CNTNAP2: variants seen among roughly 807,000 people sequenced by gnomAD.
CNTNAP2 encodes the protein contactin-associated protein-like 2.
In CNTNAP2, 98 loss-of-function variants were observed where a neutral mutation model predicts 155.2. The ratio of observed to expected loss-of-function variants is 0.63; its 90% CI spans 0.54 to 0.75. The LOEUF is 0.75. Ranked by LOEUF, CNTNAP2 falls within the 30% of genes least tolerant of loss-of-function variation. The probability of loss-of-function intolerance (pLI) is 0.00; values close to 1 mark genes in which losing one functional copy is unlikely to be tolerated. For missense variants in CNTNAP2, 1,727 were observed against 1,688.1 expected, an observed-to-expected ratio of 1.02 and a Z score of -0.40; for synonymous variants, 651 against 631.2, an observed-to-expected ratio of 1.03 and a Z score of -0.47.
chr7:147,023,446 C>T (rs912616249), intron 3 of CNTNAP2, among the ~76,000 whole-genome samples: 1 of 152,122 alleles, frequency 6.6e-6, no homozygotes, highest in Non-Finnish European at 1.5e-5. Context: ...TCCTTTTTAT[C>T]CAGTCTCCTC....
intron 8 of CNTNAP2, among the ~76,000 whole-genome samples, chr7:147,185,709 A>G (rs1350751533): frequency 6.6e-6 from 1 of 152,156 alleles, no homozygotes; most frequent in Non-Finnish European, 1.5e-5. Context: ...ACAAAACACT[A>G]TGCAATGATG....
At chr7:147,579,291 G>A (rs140048860) in intron 12 of CNTNAP2, among the ~76,000 whole-genome samples, 480 of 152,172 alleles carry the variant, frequency 3.2e-3, no homozygotes, top group African/African-American at 0.011. Flanking sequence ...GAATTTTAAT[G>A]TGTTTAAATA....
intron 1 of CNTNAP2, among the ~76,000 whole-genome samples, chr7:146,662,380 G>A (rs570179399): frequency 6.8e-4 from 103 of 152,156 alleles, no homozygotes; most frequent in African/African-American, 2.4e-3. Context: ...CAGTTGATCC[G>A]CCCACCTCGG....
intron 1 of CNTNAP2, among the ~76,000 whole-genome samples, chr7:146,152,545 G>A (rs910599607): frequency 2.6e-5 from 4 of 152,052 alleles, no homozygotes; most frequent in Non-Finnish European, 4.4e-5. Context: ...GAATAATTAT[G>A]TGAAGTTATC....
At chr7:146,343,178 A>C (rs574594584) in intron 1 of CNTNAP2, among the ~76,000 whole-genome samples, 67 of 152,270 alleles carry the variant, frequency 4.4e-4, no homozygotes, top group Admixed American at 1.4e-3. Context: ...TTATTGCTGA[A>C]AGATGAACAA....
intron 14 of CNTNAP2, among the ~76,000 whole-genome samples, chr7:147,930,650 A>C (rs528104025): frequency 6.6e-6 from 1 of 152,236 alleles, no homozygotes; most frequent in Admixed American, 6.5e-5. Context: ...AATAGCAGAT[A>C]GACATTCAGA....
At chr7:148,301,306 A>AAAAAAAATATATAT in intron 21 of CNTNAP2, among the ~76,000 whole-genome samples, 7 of 103,870 alleles carry the variant, frequency 6.7e-5, no homozygotes, top group African/African-American at 2.6e-4. Context: ...AAAAAAAAAA[A>AAAAAAAATATATAT]ATATATATAT....
At chr7:146,479,607 T>G (rs1486222724) in intron 1 of CNTNAP2, among the ~76,000 whole-genome samples, 1 of 152,014 alleles carries the variant, frequency 6.6e-6, no homozygotes, top group Admixed American at 6.6e-5. Flanking sequence ...AACAATTAAT[T>G]TATAAAAAAT....
chr7:146,835,287 CCAAT>C (rs954253597), intron 2 of CNTNAP2, among the ~76,000 whole-genome samples: 2 of 152,136 alleles, frequency 1.3e-5, no homozygotes, highest in African/African-American at 4.8e-5. Flanking sequence ...CTAAGTTTCA[CCAAT>C]CAATCAGACA....
At chr7:147,984,406 A>T (rs748469776) in intron 15 of CNTNAP2, among the ~76,000 whole-genome samples, 2 of 152,210 alleles carry the variant, frequency 1.3e-5, no homozygotes, top group Non-Finnish European at 2.9e-5. Context: ...CTTTGACTCC[A>T]GTGTACTGAT....
intron 15 of CNTNAP2, among the ~76,000 whole-genome samples, chr7:148,115,458 A>C (rs1804447390): frequency 6.6e-6 from 1 of 152,216 alleles, no homozygotes; most frequent in South Asian, 2.1e-4. Context: ...GCTTTGCTTA[A>C]GGCTGAAGTC....
At chr7:146,586,023 A>AAACAAAACAG (rs1346345947) in intron 1 of CNTNAP2, among the ~76,000 whole-genome samples, 1 of 151,726 alleles carries the variant, frequency 6.6e-6, no homozygotes, top group African/African-American at 2.4e-5. Flanking sequence ...AACAACAACA[A>AAACAAAACAG]AACAAAACAA....
At chr7:147,222,056 T>C (rs143133507) in intron 8 of CNTNAP2, among the ~76,000 whole-genome samples, 3 of 152,322 alleles carry the variant, frequency 2.0e-5, no homozygotes, top group African/African-American at 7.2e-5. Context: ...ATTTGAAAAT[T>C]GTGTGCCTAC....
Position 146,700,444 on chromosome 7 carries a change from TA to T in CNTNAP2, c.98-73820del, listed in dbSNP as rs945202727. Among the ~76,000 whole-genome samples, 39 of 152,132 alleles carry T rather than the reference TA, an allele frequency of 2.6e-4. No individual in the cohort carries two copies. The East Asian group carries it at 5.4e-3, about 21-fold the overall frequency. ...ATAAGACTAATCTTGTTTTTTAAAT[TA>T]AAAAAATAAGTATGTAGTAACTAGA... On this transcript the variant is annotated intron_variant, in intron 1 of 23. Coordinates refer to ENST00000361727, the MANE Select transcript of CNTNAP2 (RefSeq NM_014141.6).
At chr7:147,623,337 G>A (rs1220895328) in intron 12 of CNTNAP2, among the ~76,000 whole-genome samples, 1 of 151,986 alleles carries the variant, frequency 6.6e-6, no homozygotes, top group Non-Finnish European at 1.5e-5. Context: ...CAGATGATAT[G>A]ATCTTATATT....
chr7:147,334,787 T>C (rs1390142373), intron 9 of CNTNAP2, among the ~76,000 whole-genome samples: 1 of 152,174 alleles, frequency 6.6e-6, no homozygotes, highest in African/African-American at 2.4e-5. Context: ...CATGTTCGTG[T>C]GTGAAAACGA....
intron 15 of CNTNAP2, among the ~76,000 whole-genome samples, chr7:148,082,702 C>G (rs546817065): frequency 6.6e-6 from 1 of 152,070 alleles, no homozygotes; most frequent in African/African-American, 2.4e-5. Context: ...TGTTTTGTGA[C>G]AGAGTCTCAC....
chr7:146,195,804 C>T (rs1374636082), intron 1 of CNTNAP2, among the ~76,000 whole-genome samples: 1 of 152,152 alleles, frequency 6.6e-6, no homozygotes, highest in Non-Finnish European at 1.5e-5. Flanking sequence ...CTACAACGCA[C>T]GCCTCAGAAT....
chr7:146,960,476 T>A (rs969231406), intron 3 of CNTNAP2, among the ~76,000 whole-genome samples: 4 of 152,180 alleles, frequency 2.6e-5, no homozygotes, highest in African/African-American at 9.7e-5. Context: ...TTTTTCTTTT[T>A]ACGGAGTTCA....
Sources: gnomAD v4.1 joint callset for allele counts (sites outside exome capture counted in the v4.1 genomes callset) on GRCh38, gnomAD v4.1.1 for gene constraint, MANE v1.5 for transcripts, NCBI Gene and HGNC (gene_info 2026-07-23, HGNC 2026-07-21) for gene names.